LYPLAL1: variants seen among roughly 807,000 people sequenced by gnomAD.
LYPLAL1 encodes lysophospholipase like 1.
In LYPLAL1, 23 loss-of-function variants were observed where a neutral mutation model predicts 19.7. The ratio of observed to expected loss-of-function variants is 1.17; its 90% CI spans 0.84 to 1.65. The LOEUF (loss-of-function observed/expected upper bound fraction) is 1.65. Ranked by LOEUF, LYPLAL1 falls within the 40% of genes most tolerant of loss-of-function variation. The probability of loss-of-function intolerance (pLI) is 0.00; values close to 1 mark genes in which losing one functional copy is unlikely to be tolerated. For synonymous variants in LYPLAL1, 119 were observed against 96.3 expected, an observed-to-expected ratio of 1.24 and a Z score of -1.38; for missense variants, 355 against 279.4, an observed-to-expected ratio of 1.27 and a Z score of -1.93.
the LYPLAL1 span, among the ~76,000 whole-genome samples, chr1:219,248,773 A>T: frequency 6.6e-6 from 1 of 152,132 alleles, no homozygotes; most frequent in African/African-American, 2.4e-5. Flanking sequence ...GTGATGATGA[A>T]TTAGACACCT....
chr1:219,245,297 A>G, the LYPLAL1 span, among the ~76,000 whole-genome samples: 1 of 151,820 alleles, frequency 6.6e-6, no homozygotes, highest in African/African-American at 2.4e-5. Flanking sequence ...TCAGAATTAC[A>G]GGGTAAAAAG....
the LYPLAL1 span, among the ~76,000 whole-genome samples, chr1:219,258,471 T>C: frequency 6.6e-6 from 1 of 152,012 alleles, no homozygotes; most frequent in Non-Finnish European, 1.5e-5. Context: ...CTGCAACAAA[T>C]AGCATATTTT....
At chr1:219,333,031 T>C in the LYPLAL1 span, among the ~76,000 whole-genome samples, 1 of 152,066 alleles carries the variant, frequency 6.6e-6, no homozygotes, top group East Asian at 1.9e-4. Flanking sequence ...GACTCTCTTC[T>C]TTCATCTTCA....
At chr1:219,354,017 G>T in the LYPLAL1 span, among the ~76,000 whole-genome samples, 1 of 152,136 alleles carries the variant, frequency 6.6e-6, no homozygotes, top group African/African-American at 2.4e-5. Context: ...CACTGAAGAA[G>T]TTAAGATCAA....
chr1:219,380,151 G>T, the LYPLAL1 span, among the ~76,000 whole-genome samples: 1 of 152,226 alleles, frequency 6.6e-6, no homozygotes, highest in East Asian at 1.9e-4. Flanking sequence ...AAGCCCAGAG[G>T]AGTTAAATAA....
At chr1:219,299,993 A>G in the LYPLAL1 span, among the ~76,000 whole-genome samples, 1 of 152,120 alleles carries the variant, frequency 6.6e-6, no homozygotes, top group Non-Finnish European at 1.5e-5. Context: ...AAATATATAT[A>G]TTTGAGACAG....
the LYPLAL1 span, among the ~76,000 whole-genome samples, chr1:219,233,438 T>C: frequency 6.6e-6 from 1 of 152,206 alleles, no homozygotes; most frequent in Non-Finnish European, 1.5e-5. Context: ...ATTAATATAC[T>C]TAACATACTA....
At chr1:219,438,854 A>T in the LYPLAL1 span, among the ~76,000 whole-genome samples, 1,961 of 152,316 alleles carry the variant, frequency 0.013, 38 homozygotes, top group African/African-American at 0.044. Flanking sequence ...TCCATCAAAA[A>T]TGAAATTGTA....
At chr1:219,409,210 AGGTGG>A in the LYPLAL1 span, among the ~76,000 whole-genome samples, 1 of 152,182 alleles carries the variant, frequency 6.6e-6, no homozygotes, top group Non-Finnish European at 1.5e-5. Flanking sequence ...GAATTTTGGG[AGGTGG>A]AGATGGGCAG....
chr1:219,228,743 G>A, the LYPLAL1 span, among the ~76,000 whole-genome samples: 10 of 151,904 alleles, frequency 6.6e-5, no homozygotes, highest in Non-Finnish European at 1.2e-4. Flanking sequence ...GCAATGGCGC[G>A]ATCTTGGCTC....
chr1:219,274,122 G>A, the LYPLAL1 span, among the ~76,000 whole-genome samples: 70,959 of 152,056 alleles, frequency 0.47, 16,934 homozygotes, highest in East Asian at 0.66. Context: ...AGAAACTTGC[G>A]TGTAGAATTT....
chr1:219,209,431 A>G (rs1009247022), intron 3 of LYPLAL1, among the ~76,000 whole-genome samples: 2 of 152,116 alleles, frequency 1.3e-5, no homozygotes, highest in South Asian at 4.1e-4. Flanking sequence ...ATTACTATTA[A>G]TAGTTTTATA....
At chr1:219,299,834 GT>G in the LYPLAL1 span, among the ~76,000 whole-genome samples, 3 of 152,112 alleles carry the variant, frequency 2.0e-5, no homozygotes, top group Non-Finnish European at 2.9e-5. Flanking sequence ...AAGCTGACTA[GT>G]TTTTTCTTGA....
the LYPLAL1 span, among the ~76,000 whole-genome samples, chr1:219,273,997 T>C: frequency 6.6e-6 from 1 of 152,300 alleles, no homozygotes; most frequent in East Asian, 1.9e-4. Flanking sequence ...CCTGACCTTG[T>C]GATCCACCCG....
At chr1:219,331,639 A>G in the LYPLAL1 span, among the ~76,000 whole-genome samples, 1 of 152,200 alleles carries the variant, frequency 6.6e-6, no homozygotes, top group African/African-American at 2.4e-5. Flanking sequence ...CAGATAAAGT[A>G]CACTCCACTT....
At chr1:219,261,103 A>G in the LYPLAL1 span, among the ~76,000 whole-genome samples, 1 of 152,204 alleles carries the variant, frequency 6.6e-6, no homozygotes, top group Non-Finnish European at 1.5e-5. Context: ...AGGAAAAGGC[A>G]TCGCCTTAAA....
the LYPLAL1 span, among the ~76,000 whole-genome samples, chr1:219,390,700 A>G: frequency 6.6e-6 from 1 of 152,172 alleles, no homozygotes; most frequent in African/African-American, 2.4e-5. Flanking sequence ...GAGGGCATTT[A>G]AGCATTAACC....
chr1:219,422,471 A>G, the LYPLAL1 span, among the ~76,000 whole-genome samples: 1 of 152,138 alleles, frequency 6.6e-6, no homozygotes, highest in Non-Finnish European at 1.5e-5. Flanking sequence ...CAGGAGAGAG[A>G]GATTATGGCA....
At chr1:219,324,333 A>C in the LYPLAL1 span, among the ~76,000 whole-genome samples, 1 of 152,280 alleles carries the variant, frequency 6.6e-6, no homozygotes, top group African/African-American at 2.4e-5. Flanking sequence ...CCTTCATAGA[A>C]TGTTCTGAAA....
Sources: gnomAD v4.1 joint callset for allele counts (sites outside exome capture counted in the v4.1 genomes callset) on GRCh38, gnomAD v4.1.1 for gene constraint, MANE v1.5 for transcripts, NCBI Gene and HGNC (gene_info 2026-07-23, HGNC 2026-07-21) for gene names.